The following CNTNAP2 variants were observed in gnomAD, a reference collection of about 807,000 sequenced individuals.
CNTNAP2 encodes contactin-associated protein-like 2.
In CNTNAP2, 98 loss-of-function variants were observed where a neutral mutation model predicts 155.2. The observed-to-expected ratio is 0.63, with a 90% CI of 0.54 to 0.75. The LOEUF is 0.75. Ranked by LOEUF, CNTNAP2 falls within the 30% of genes least tolerant of loss-of-function variation. The pLI is 0.00. For synonymous variants in CNTNAP2, 651 were observed against 631.2 expected, an observed-to-expected ratio of 1.03 and a Z score of -0.47; for missense variants, 1,727 against 1,688.1, an observed-to-expected ratio of 1.02 and a Z score of -0.40.
intron 13 of CNTNAP2, among the ~76,000 whole-genome samples, chr7:147,755,367 A>G (rs1328381071): frequency 6.6e-6 from 1 of 152,198 alleles, no homozygotes; most frequent in African/African-American, 2.4e-5. Context: ...CACCAGCGTT[A>G]ATAGCAGCCA....
intron 9 of CNTNAP2, among the ~76,000 whole-genome samples, chr7:147,385,853 C>G (rs1332949526): frequency 3.9e-5 from 6 of 152,222 alleles, no homozygotes; most frequent in Non-Finnish European, 8.8e-5. Context: ...GCCTCTGACC[C>G]CACATTTCCC....
intron 10 of CNTNAP2, among the ~76,000 whole-genome samples, chr7:147,446,624 T>C (rs1797745263): frequency 6.6e-6 from 1 of 152,320 alleles, no homozygotes; most frequent in African/African-American, 2.4e-5. Context: ...ACACAACTTT[T>C]CCCAAGAACA....
rs773478974 is a variant in CNTNAP2 at position 147,132,343 on chromosome 7, G to C, written c.1182G>C (p.Leu394=). The C allele has an allele frequency of 1.2e-6, 2 of 1,613,718 alleles. No individual in the cohort carries two copies. The highest frequency in any genetic ancestry group is 3.3e-5 in the Admixed American group (2 of 59,916). The change falls in exon 8 of 24, where the codon CTG becomes CTC. Residue 394 remains leucine (L), a synonymous_variant. Transcript: ENST00000361727. ...TGCCCGGACGGCTTAACCAGGACCT[G>C]TTCTCAGTCAGTTTCCAGTTTAGGA... ...LEVPGRLNQD[L]FSVSFQFRTW...
chr7:147,480,749 G>A (rs2116627240), intron 10 of CNTNAP2, among the ~76,000 whole-genome samples: 1 of 152,206 alleles, frequency 6.6e-6, no homozygotes, highest in East Asian at 1.9e-4. Context: ...CTCCTACTCA[G>A]CAACTGCATT....
rs747316950 is a variant in CNTNAP2, at chr7:147,977,883, A to G, written c.2277A>G (p.Leu759=). ...YKQWRKDAGF[L]SYKDHLPVSQ... ...CCAGGAGGAAGGATGCTGGTTTCTT[A>G]TCATACAAAGATCACCTGCCAGTGA... The change falls in exon 15 of 24, where the codon TTA becomes TTG. Residue 759 remains leucine, a synonymous_variant. Transcript: ENST00000361727. 6.2e-7 allele frequency: 1 copy of G among 1,614,104 alleles called. No homozygotes were observed. The highest frequency in any genetic ancestry group is 1.1e-5 in the South Asian group (1 of 91,072).
At chr7:146,190,572 A>G (rs1798688231) in intron 1 of CNTNAP2, among the ~76,000 whole-genome samples, 1 of 152,288 alleles carries the variant, frequency 6.6e-6, no homozygotes, top group East Asian at 1.9e-4. Flanking sequence ...TCATGGCTTC[A>G]AAATAAGAGT....
At chr7:146,879,446 TTTC>T (rs1386177356) in intron 3 of CNTNAP2, among the ~76,000 whole-genome samples, 3 of 152,116 alleles carry the variant, frequency 2.0e-5, no homozygotes, top group African/African-American at 7.2e-5. Flanking sequence ...ATTGTTCTCT[TTTC>T]TATTAATTAT....
chr7:146,379,785 C>T (rs757280356), intron 1 of CNTNAP2, among the ~76,000 whole-genome samples: 9 of 151,850 alleles, frequency 5.9e-5, no homozygotes, highest in Non-Finnish European at 8.8e-5. Flanking sequence ...GCATGTGGGA[C>T]GATAATTTGG....
At chr7:147,603,112 AG>A (rs1195644840) in intron 12 of CNTNAP2, among the ~76,000 whole-genome samples, 1 of 151,214 alleles carries the variant, frequency 6.6e-6, no homozygotes, top group Non-Finnish European at 1.5e-5. Context: ...ACAGTGTAAA[AG>A]TGTTTCTATT....
chr7:147,083,940 TTATATAGCATTA>T (rs202234993), intron 4 of CNTNAP2, among the ~76,000 whole-genome samples: 21,931 of 134,074 alleles, frequency 0.16, 2,367 homozygotes, highest in East Asian at 0.37. Flanking sequence ...TATGTATATA[TTATATAGCATTA>T]TATATAGCAT....
chr7:146,339,261 A>T (rs529403140), intron 1 of CNTNAP2, among the ~76,000 whole-genome samples: 1 of 152,324 alleles, frequency 6.6e-6, no homozygotes, highest in Admixed American at 6.5e-5. Context: ...ATGCGTGTAC[A>T]TACGTGCATG....
chr7:148,236,029 C>G (rs1796036476), intron 20 of CNTNAP2, among the ~76,000 whole-genome samples: 1 of 152,150 alleles, frequency 6.6e-6, no homozygotes, highest in Non-Finnish European at 1.5e-5. Flanking sequence ...GTTCAAATTA[C>G]ACTAAGGGTT....
At chr7:147,685,199 A>T (rs961782215) in intron 13 of CNTNAP2, among the ~76,000 whole-genome samples, 1 of 152,036 alleles carries the variant, frequency 6.6e-6, no homozygotes, top group Non-Finnish European at 1.5e-5. Context: ...CACCAAAATC[A>T]GCATTCCTGA....
chr7:147,415,190 A>C (rs867705913), intron 10 of CNTNAP2, among the ~76,000 whole-genome samples: 1 of 152,048 alleles, frequency 6.6e-6, no homozygotes, highest in African/African-American at 2.4e-5. Context: ...CCTCTTTCAG[A>C]GCTCTCACCC....
At chr7:147,225,878 A>AGAAG (rs3084356) in intron 8 of CNTNAP2, among the ~76,000 whole-genome samples, 21,251 of 111,544 alleles carry the variant, frequency 0.19, 2,266 homozygotes, top group Non-Finnish European at 0.25. Flanking sequence ...AAGGAGGGAA[A>AGAAG]GAAGGAAGGA....
chr7:146,562,252 T>C (rs1014260780), intron 1 of CNTNAP2, among the ~76,000 whole-genome samples: 1 of 152,004 alleles, frequency 6.6e-6, no homozygotes, highest in Non-Finnish European at 1.5e-5. Context: ...TAGATATGAG[T>C]TTTTCTTTTT....
rs905260304 is a variant in CNTNAP2, at chr7:146,790,586, G to A, written c.208+16205G>A. ...GTCAGTGATTTTTTTTTTTTTTTTT[G>A]TAAGACGGAGTCTCGCTCTGTCGCC... On this transcript the variant is annotated intron_variant, in intron 2 of 23. Coordinates refer to ENST00000361727, the MANE Select transcript of CNTNAP2 (RefSeq NM_014141.6). 5.8e-5 allele frequency among the ~76,000 whole-genome samples: 4 copies of A among 69,198 alleles called. No individual in the cohort carries two copies. The Admixed American group carries it at 5.9e-4, about 10-fold the overall frequency. The allele number at this position is 69,198 out of a possible 152,430, so 45.4% of individuals were successfully genotyped here.
chr7:146,570,608 C>T (rs1425786003), intron 1 of CNTNAP2, among the ~76,000 whole-genome samples: 3 of 152,052 alleles, frequency 2.0e-5, no homozygotes, highest in East Asian at 1.9e-4. Flanking sequence ...ACATTTTCCT[C>T]TTCAAATTCT....
At chr7:147,319,723 A>G (rs543363476) in intron 9 of CNTNAP2, among the ~76,000 whole-genome samples, 1 of 152,258 alleles carries the variant, frequency 6.6e-6, no homozygotes, top group Non-Finnish European at 1.5e-5. Flanking sequence ...AATATTATAG[A>G]TATAATAATA....
Sources: allele counts gnomAD v4.1 joint callset (sites outside exome capture counted in the v4.1 genomes callset), GRCh38; gene constraint gnomAD v4.1.1; transcripts MANE v1.5; gene names NCBI Gene and HGNC (gene_info 2026-07-23, HGNC 2026-07-21).